The following FAM120B variants were observed in gnomAD, a reference collection of about 807,000 sequenced individuals.
The protein encoded by FAM120B is constitutive coactivator of peroxisome proliferator-activated receptor gamma.
A neutral mutation model predicts 96.3 loss-of-function variants in FAM120B; 83 were observed. That is an observed-to-expected ratio of 0.86 (90% CI 0.72 to 1.03). The LOEUF is 1.03. FAM120B is among the 50% of genes least tolerant of loss of function. The pLI is 0.00. For synonymous variants in FAM120B, 407 were observed against 402.7 expected (o/e 1.01, Z -0.13); for missense variants, 1,027 against 1,121.2 (o/e 0.92, Z 1.20).
At chr6:170,385,694 C>G (rs906053195) in intron 6 of FAM120B, among the ~76,000 whole-genome samples, 1 of 152,148 alleles carries the variant, frequency 6.6e-6, no homozygotes, top group Non-Finnish European at 1.5e-5. Context: ...GTTTCGGCAA[C>G]CCTATTCATA....
intron 8 of FAM120B, among the ~76,000 whole-genome samples, chr6:170,391,730 T>C (rs2115320917): frequency 6.6e-6 from 1 of 152,352 alleles, no homozygotes; most frequent in East Asian, 1.9e-4. Context: ...AGTTTAGGTT[T>C]ATTTTTTCTT....
intron 8 of FAM120B, 139 bp from the exon 9 acceptor site, chr6:170,395,348 C>T (rs569346608): frequency 7.3e-6 from 5 of 688,332 alleles, no homozygotes; most frequent in South Asian, 1.7e-5. Context: ...CTTAAATTTG[C>T]GTTTTTTCAT....
At chr6:170,321,030 T>C (rs1785253257) in intron 2 of FAM120B, among the ~76,000 whole-genome samples, 1 of 152,172 alleles carries the variant, frequency 6.6e-6, no homozygotes, top group South Asian at 2.1e-4. Flanking sequence ...ACAGGGAGTT[T>C]GGCAGTGGAA....
At chr6:170,344,224 C>A (rs1426834912) in intron 4 of FAM120B, among the ~76,000 whole-genome samples, 1 of 97,418 alleles carries the variant, frequency 1.0e-5, no homozygotes, top group Non-Finnish European at 2.1e-5. Context: ...TAGCCTCTCT[C>A]TGGTTCCTGA....
chr6:170,314,564 A>C (rs1166525512), intron 1 of FAM120B, among the ~76,000 whole-genome samples: 1 of 152,186 alleles, frequency 6.6e-6, no homozygotes, highest in Non-Finnish European at 1.5e-5. Flanking sequence ...TTCTTATATA[A>C]TTTGCAGGTA....
chr6:170,309,725 T>C (rs1311620872), intron 1 of FAM120B, among the ~76,000 whole-genome samples: 2 of 152,244 alleles, frequency 1.3e-5, no homozygotes, highest in Non-Finnish European at 2.9e-5. Context: ...AAACCATGGC[T>C]AACTATGATA....
intron 1 of FAM120B, among the ~76,000 whole-genome samples, chr6:170,317,141 C>G (rs932007406): frequency 3.3e-5 from 5 of 152,174 alleles, no homozygotes; most frequent in African/African-American, 1.2e-4. Flanking sequence ...CTGCTATACT[C>G]TCTTGTCCTT....
At chr6:170,382,773 T>A (rs964223429) in intron 6 of FAM120B, among the ~76,000 whole-genome samples, 2 of 152,348 alleles carry the variant, frequency 1.3e-5, no homozygotes, top group Middle Eastern at 3.4e-3. Flanking sequence ...AGCAAGGTAT[T>A]TTTTTGTAGA....
upstream of FAM120B, among the ~76,000 whole-genome samples, chr6:170,292,670 T>A (rs1275212953): frequency 6.6e-6 from 1 of 152,188 alleles, no homozygotes. The surrounding 1 kb of genome is among the most constrained non-coding windows in gnomAD (Gnocchi z 6.6). Flanking sequence ...CAGCCAGAAA[T>A]CTGAAGGTCA....
At chr6:170,384,686 C>T (rs1310465742) in intron 6 of FAM120B, among the ~76,000 whole-genome samples, 1 of 152,246 alleles carries the variant, frequency 6.6e-6, no homozygotes, top group Non-Finnish European at 1.5e-5. Flanking sequence ...TCTGTAATCA[C>T]AGTGGGACGT....
At chr6:170,358,177 G>GT (rs1318011495) in intron 5 of FAM120B, 49 bp from the exon 6 acceptor site, 2 of 1,447,572 alleles carry the variant, frequency 1.4e-6, no homozygotes, top group Non-Finnish European at 1.9e-6. Flanking sequence ...TGTAAGAAAT[G>GT]TTTAATTTTT....
intron 4 of FAM120B, among the ~76,000 whole-genome samples, chr6:170,343,823 A>G (rs1032819466): frequency 6.6e-6 from 1 of 152,082 alleles, no homozygotes; most frequent in African/African-American, 2.4e-5. Flanking sequence ...GAAAAATAAA[A>G]CCTGTTGATT....
upstream of FAM120B, among the ~76,000 whole-genome samples, chr6:170,291,912 C>T (rs545324235): frequency 6.6e-6 from 1 of 152,366 alleles, no homozygotes; most frequent in East Asian, 1.9e-4. Context: ...GCCCCTCTCT[C>T]CCGGGTATCC....
At chr6:170,331,488 A>G (rs770984758) in intron 4 of FAM120B, among the ~76,000 whole-genome samples, 1 of 152,198 alleles carries the variant, frequency 6.6e-6, no homozygotes, top group Non-Finnish European at 1.5e-5. Context: ...TTAATCATAC[A>G]CTAAAACCTT....
chr6:170,321,567 T>C (rs752725441), intron 2 of FAM120B, among the ~76,000 whole-genome samples: 4 of 152,134 alleles, frequency 2.6e-5, no homozygotes, highest in Non-Finnish European at 4.4e-5. Flanking sequence ...TTAGTAAAGA[T>C]GGGGTTTCGC....
Position 170,395,410 on chromosome 6 carries a change from G to A in FAM120B, c.2600-77G>A, listed in dbSNP as rs1436730607. 2.4e-5 allele frequency: 28 copies of A among 1,183,246 alleles called. No individual in the cohort carries two copies. In the South Asian group the frequency reaches 3.4e-4, roughly 14 times the overall value. 73.3% of individuals were successfully genotyped at this position (1,183,246 alleles called of 1,614,324 possible). On this transcript the variant is annotated intron_variant, in intron 8 of 10. Transcript: ENST00000476287. ...GATACTGCTGACCTGGTGCTGCCTT[G>A]CCACCCTTTACATGCTGTGTCATTT...
chr6:170,315,171 T>G (rs1784824894), intron 1 of FAM120B, among the ~76,000 whole-genome samples: 1 of 152,200 alleles, frequency 6.6e-6, no homozygotes, highest in Non-Finnish European at 1.5e-5. Flanking sequence ...AAGTGGGGCC[T>G]TCCCTCACAG....
At chr6:170,323,852 A>G (rs1433161818) in intron 3 of FAM120B, among the ~76,000 whole-genome samples, 1 of 152,254 alleles carries the variant, frequency 6.6e-6, no homozygotes, top group African/African-American at 2.4e-5. Context: ...TGAAGGTCCC[A>G]TAACTCACCA....
Position 170,317,915 on chromosome 6 carries a change from T to A in FAM120B, c.525T>A (p.Ile175=). 1 of 1,614,168 alleles carries A rather than the reference T, an allele frequency of 6.2e-7. No individual in the cohort carries two copies. Among genetic ancestry groups the A allele is most frequent in the Non-Finnish European group, 8.5e-7 (1 of 1,180,014 alleles). The change falls in exon 2 of 11, where the codon ATT becomes ATA. Residue 175 remains isoleucine (I), a synonymous_variant. Coordinates refer to ENST00000476287, the MANE Select transcript of FAM120B (RefSeq NM_032448.3). ...GCCTCCAGCATAACTGTCTTGGGAT[T>A]CTGGGGGAAGACACTGATTACCTAA... is the stretch of plus-strand genomic sequence containing the variant. The part of the protein sequence containing the change: ...SYGLQHNCLG[I]LGEDTDYLIY...
Sources: gnomAD v4.1 joint callset for allele counts (sites outside exome capture counted in the v4.1 genomes callset) on GRCh38, gnomAD v4.1.1 for gene constraint, Gnocchi (gnomAD v3.1) non-coding constraint, MANE v1.5 for transcripts, NCBI Gene and HGNC (gene_info 2026-07-23, HGNC 2026-07-21) for gene names.